ETS1: variants seen among roughly 807,000 people sequenced by gnomAD.
The protein encoded by ETS1 is ETS proto-oncogene 1, transcription factor.
ETS1 carries 15 observed loss-of-function variants against 58.6 expected under a neutral mutation model. The observed-to-expected ratio is 0.26, with a 90% confidence interval of 0.17 to 0.39. The LOEUF (loss-of-function observed/expected upper bound fraction) is 0.39. Among genes scored for constraint, ETS1 ranks in the 10% least tolerant of loss-of-function variants. The pLI is 1.00. For missense variants in ETS1, 417 were observed against 610.5 expected (o/e 0.68, Z 3.34); for synonymous variants, 214 against 218.2 (o/e 0.98, Z 0.17).
At chr11:128,477,323 T>C (rs996033010) in intron 8 of ETS1, among the ~76,000 whole-genome samples, 1 of 152,112 alleles carries the variant, frequency 6.6e-6, no homozygotes, top group African/African-American at 2.4e-5. Context: ...GAGTGTGACT[T>C]TTACAAGCAA....
intron 6 of ETS1, 78 bp from the exon 7 acceptor site, chr11:128,485,149 C>G (rs1862593641): frequency 7.6e-7 from 1 of 1,307,822 alleles, no homozygotes; most frequent in Non-Finnish European, 1.1e-6. Flanking sequence ...CTACAGGGCC[C>G]TATGATGTGG....
chr11:128,493,341 A>G (rs919789871), intron 3 of ETS1, among the ~76,000 whole-genome samples: 12 of 152,234 alleles, frequency 7.9e-5, no homozygotes, highest in African/African-American at 2.9e-4. Flanking sequence ...ACAATTCTCC[A>G]CGTAGGTTTC....
chr11:128,538,954 A>G (rs1045777997), intron 3 of ETS1, among the ~76,000 whole-genome samples: 3 of 152,248 alleles, frequency 2.0e-5, no homozygotes, highest in Admixed American at 6.5e-5. Context: ...TGGACAGACA[A>G]TGGAGAAAGA....
intron 3 of ETS1, chr11:128,528,995 C>T (rs1315410643): frequency 6.6e-6 from 1 of 152,230 alleles, no homozygotes; most frequent in Admixed American, 6.5e-5. Flanking sequence ...ATACATCACG[C>T]TATTCATATT....
intron 3 of ETS1, among the ~76,000 whole-genome samples, chr11:128,504,586 T>C (rs1157319448): frequency 1.3e-5 from 2 of 152,226 alleles, no homozygotes; most frequent in East Asian, 3.8e-4. Context: ...TTCGATGTCA[T>C]CTAGTTCAAA....
At chr11:128,517,173 C>G (rs998210208) in intron 3 of ETS1, among the ~76,000 whole-genome samples, 5 of 152,200 alleles carry the variant, frequency 3.3e-5, no homozygotes, top group African/African-American at 9.7e-5. Context: ...AAGCACTGAG[C>G]TAACAATGAG....
intron 3 of ETS1, among the ~76,000 whole-genome samples, chr11:128,493,140 C>G (rs191905795): frequency 6.6e-6 from 1 of 152,166 alleles, no homozygotes; most frequent in South Asian, 2.1e-4. Flanking sequence ...TCTGCTGTAG[C>G]GGGAACTGAA....
intron 3 of ETS1, among the ~76,000 whole-genome samples, chr11:128,521,351 TAA>T (rs1175137955): frequency 1.3e-5 from 2 of 152,116 alleles, no homozygotes; most frequent in African/African-American, 4.8e-5. Flanking sequence ...TTCTCAAAGT[TAA>T]GAGGATAATT....
At chr11:128,479,064 T>C (rs1258774933) in intron 8 of ETS1, among the ~76,000 whole-genome samples, 2 of 152,242 alleles carry the variant, frequency 1.3e-5, no homozygotes, top group Non-Finnish European at 2.9e-5. Context: ...ATAAGAGAGA[T>C]ACTCCTGATC....
chr11:128,506,589 G>C (rs893067301), intron 3 of ETS1, among the ~76,000 whole-genome samples: 1 of 152,172 alleles, frequency 6.6e-6, no homozygotes, highest in African/African-American at 2.4e-5. Flanking sequence ...TAGGGCGTGA[G>C]GGACAGAAGG....
At chr11:128,545,206 A>T (rs57428404) in intron 3 of ETS1, among the ~76,000 whole-genome samples, 3,355 of 152,272 alleles carry the variant, frequency 0.022, 110 homozygotes, top group African/African-American at 0.075. Flanking sequence ...CACAGAGAAG[A>T]TATAAAAGAA....
intron 3 of ETS1, among the ~76,000 whole-genome samples, chr11:128,546,468 T>C (rs1864134287): frequency 6.6e-6 from 1 of 152,176 alleles, no homozygotes; most frequent in Non-Finnish European, 1.5e-5. Context: ...GTCCCTGATA[T>C]AAAATGGTGT....
Position 128,485,102 on chromosome 11 carries a change from G to A in ETS1, c.614-31C>T, listed in dbSNP as rs771877387. 1.9e-6 allele frequency: 3 copies of A among 1,594,666 alleles called. No individual in the cohort carries two copies. In the Admixed American group the frequency reaches 5.1e-5, roughly 27 times the overall value. ...AACAAAGGGTTTGCAAGTAAAGAGA[G>A]GAGAGATTTGTACCTAAAATAAGCA... On this transcript the variant is annotated intron_variant, in intron 6 of 9. Transcript: ENST00000392668.
chr11:128,489,038 C>T (rs1324868072), intron 5 of ETS1, among the ~76,000 whole-genome samples: 4 of 152,254 alleles, frequency 2.6e-5, no homozygotes, highest in African/African-American at 7.2e-5. Context: ...TGTTGCAATC[C>T]AAGAAGCTTC....
chr11:128,490,059 G>A (rs1862754361), intron 4 of ETS1, among the ~76,000 whole-genome samples: 1 of 152,196 alleles, frequency 6.6e-6, no homozygotes, highest in East Asian at 1.9e-4. Flanking sequence ...CTTATCATAA[G>A]CTATAGCTTG....
At chr11:128,509,692 C>A (rs1187376784) in intron 3 of ETS1, among the ~76,000 whole-genome samples, 2 of 151,588 alleles carry the variant, frequency 1.3e-5, no homozygotes, top group Admixed American at 6.6e-5. Context: ...AAGAATGTGC[C>A]AAGAATCAAG....
At chr11:128,466,018 A>G (rs1481931575) in intron 8 of ETS1, among the ~76,000 whole-genome samples, 1 of 152,188 alleles carries the variant, frequency 6.6e-6, no homozygotes, top group African/African-American at 2.4e-5. Flanking sequence ...AAACTGCCTG[A>G]CTGAGTGCAA....
chr11:128,568,359 G>A (rs1055679307), intron 2 of ETS1, among the ~76,000 whole-genome samples: 2 of 152,222 alleles, frequency 1.3e-5, no homozygotes, highest in Non-Finnish European at 2.9e-5. Context: ...AGGGGAGAAT[G>A]ACGCATGAGA....
chr11:128,526,724 T>C, intron 3 of ETS1: 1 of 344,924 alleles, frequency 2.9e-6, no homozygotes, highest in South Asian at 2.2e-5. Context: ...GAGAACTAGA[T>C]TTATATTTGT....
Sources: allele counts gnomAD v4.1 joint callset (sites outside exome capture counted in the v4.1 genomes callset), GRCh38; gene constraint gnomAD v4.1.1; transcripts MANE v1.5; gene names NCBI Gene and HGNC (gene_info 2026-07-23, HGNC 2026-07-21).